Variants in DBT observed in about 807,000 individuals in gnomAD.
DBT encodes dihydrolipoamide branched chain transacylase E2, also known as lipoamide acyltransferase component of branched-chain alpha-keto acid dehydrogenase complex, mitochondrial.
A neutral mutation model predicts 51.3 loss-of-function variants in DBT; 40 were observed. The observed-to-expected ratio is 0.78, with a 90% CI of 0.61 to 1.02. The LOEUF is 1.02. Ranked by LOEUF, DBT falls within the 50% of genes least tolerant of loss-of-function variation. The probability of loss-of-function intolerance (pLI) is 0.00; values close to 1 mark genes in which losing one functional copy is unlikely to be tolerated. For missense variants in DBT, 510 were observed against 580.2 expected, an observed-to-expected ratio of 0.88 and a Z score of 1.24; for synonymous variants, 181 against 190.4, an observed-to-expected ratio of 0.95 and a Z score of 0.41.
intron 4 of DBT, among the ~76,000 whole-genome samples, chr1:100,228,652 C>A (rs1663353432): frequency 6.6e-6 from 1 of 152,090 alleles, no homozygotes; most frequent in African/African-American, 2.4e-5. Context: ...CCCAGCTACT[C>A]AGGAGGCTGA....
intron 4 of DBT, among the ~76,000 whole-genome samples, chr1:100,223,683 G>A (rs1159863033): frequency 6.6e-6 from 1 of 152,124 alleles, no homozygotes; most frequent in Non-Finnish European, 1.5e-5. Flanking sequence ...GCCCAGGCTA[G>A]TCTCAAACTC....
chr1:100,225,590 G>A (rs1277388783), intron 4 of DBT, among the ~76,000 whole-genome samples: 2 of 151,784 alleles, frequency 1.3e-5, no homozygotes, highest in African/African-American at 4.8e-5. Flanking sequence ...TTTGGGAGGC[G>A]GAGGCAGGCA....
chr1:100,208,419 C>T (rs554610200), intron 8 of DBT, among the ~76,000 whole-genome samples: 187 of 152,032 alleles, frequency 1.2e-3, no homozygotes, highest in Non-Finnish European at 2.1e-3. Flanking sequence ...CAACATGAAC[C>T]AACATTTATA....
intron 4 of DBT, among the ~76,000 whole-genome samples, chr1:100,225,032 A>AAG (rs1474392239): frequency 9.9e-6 from 1 of 101,420 alleles, no homozygotes; most frequent in African/African-American, 4.1e-5. Context: ...CAAAAAAAAA[A>AAG]AAAAAAAAAA....
chr1:100,211,882 C>T (rs1335210338), intron 7 of DBT, among the ~76,000 whole-genome samples: 1 of 152,186 alleles, frequency 6.6e-6, no homozygotes, highest in Non-Finnish European at 1.5e-5. Flanking sequence ...AGTGACCCTC[C>T]TGCCTCAGCC....
chr1:100,225,052 T>TATATAC lies in DBT; in HGVS notation c.433+5680_433+5681insGTATAT, dbSNP rs1185819980. Among the ~76,000 whole-genome samples, 81 of 79,052 alleles carry TATATAC rather than the reference T, an allele frequency of 1.0e-3. 1 individual carries two copies. The highest frequency in any genetic ancestry group is 4.0e-3 in the African/African-American group (79 of 19,930). The allele number at this position is 79,052 out of a possible 152,430, so 51.9% of individuals were successfully genotyped here. ...AAAAAAAAAAAAAAAAATATATATATACACACACACACACACACACACACA... is the reference window on the plus strand; with the variant it reads ...AAAAAAAAAAAAAAAAATATATATATATATACACACACACACACACACACACACACA... On this transcript the variant is annotated intron_variant, in intron 4 of 10. Coordinates refer to ENST00000370132, the MANE Select transcript of DBT (RefSeq NM_001918.5).
intron 1 of DBT, among the ~76,000 whole-genome samples, chr1:100,244,207 G>A (rs1235930901): frequency 6.6e-6 from 1 of 152,098 alleles, no homozygotes; most frequent in African/African-American, 2.4e-5. Flanking sequence ...AGAGCAGAAG[G>A]GCACTTTTAA....
intron 2 of DBT, among the ~76,000 whole-genome samples, chr1:100,239,524 C>T (rs996561117): frequency 1.3e-5 from 2 of 151,276 alleles, no homozygotes; most frequent in African/African-American, 4.9e-5. Flanking sequence ...CACCTGTAAT[C>T]CCATCACTTT....
intron 1 of DBT, among the ~76,000 whole-genome samples, chr1:100,241,367 TGTGTGTG>T (rs906465825): frequency 6.3e-4 from 1 of 1,590 alleles, no homozygotes; most frequent in African/African-American, 8.3e-4. Context: ...TGAAAGGTAT[TGTGTGTG>T]TGTGTGTGTG....
intron 2 of DBT, among the ~76,000 whole-genome samples, chr1:100,237,730 G>A (rs1663966587): frequency 1.3e-5 from 2 of 152,084 alleles, no homozygotes; most frequent in South Asian, 4.2e-4. Context: ...TCAAGTTCCT[G>A]GGCTCAAGTG....
chr1:100,205,377 G>A (rs1030035796), intron 10 of DBT, among the ~76,000 whole-genome samples: 10 of 152,202 alleles, frequency 6.6e-5, no homozygotes, highest in Admixed American at 3.9e-4. Context: ...CTGGTCATTA[G>A]AGAAATGCAA....
chr1:100,200,716 C>A (rs908295076), intron 10 of DBT, among the ~76,000 whole-genome samples: 1 of 152,182 alleles, frequency 6.6e-6, no homozygotes. Flanking sequence ...AAGAAGCAGG[C>A]AGCAATCTTT....
intron 2 of DBT, among the ~76,000 whole-genome samples, chr1:100,237,426 A>G (rs1383004686): frequency 3.9e-5 from 6 of 152,166 alleles, no homozygotes; most frequent in Admixed American, 2.0e-4. Context: ...GCTTTAAGCC[A>G]CTAAGTTGTG....
At chr1:100,203,162 C>G (rs1309171877) in intron 10 of DBT, among the ~76,000 whole-genome samples, 1 of 152,016 alleles carries the variant, frequency 6.6e-6, no homozygotes, top group South Asian at 2.1e-4. Context: ...AATCCAGGAG[C>G]CGGTTTTTTG....
Position 100,195,873 on chromosome 1 carries a change from C to T in DBT, c.*382G>A, listed in dbSNP as rs978878626. On this transcript the variant is annotated 3_prime_UTR_variant, in exon 11 of 11. Transcript: ENST00000370132. ...AGAGGCCAGGTTTCACCATGTTGGC[C>T]AGGCTGGTCTCAAACTTCTAACCTC... 3 of 246,296 alleles carry T rather than the reference C, an allele frequency of 1.2e-5. No individual in the cohort carries two copies. Among genetic ancestry groups the T allele is most frequent in the Non-Finnish European group, 2.4e-5 (3 of 125,258 alleles). 15.3% of individuals were successfully genotyped at this position (246,296 alleles called of 1,614,324 possible).
At chr1:100,228,368 G>A (rs1663342853) in intron 4 of DBT, among the ~76,000 whole-genome samples, 1 of 152,096 alleles carries the variant, frequency 6.6e-6, no homozygotes, top group Non-Finnish European at 1.5e-5. Context: ...GCAATGTATG[G>A]TCCTATATTG....
intron 10 of DBT, among the ~76,000 whole-genome samples, chr1:100,200,293 A>C (rs529842369): frequency 9.2e-5 from 14 of 151,454 alleles, no homozygotes; most frequent in African/African-American, 2.4e-4. Context: ...GCCACAGGGA[A>C]GTTCGAACTG....
At chr1:100,222,693 A>G (rs771769396) in intron 4 of DBT, among the ~76,000 whole-genome samples, 15 of 152,360 alleles carry the variant, frequency 9.8e-5, no homozygotes, top group Middle Eastern at 3.4e-3. Flanking sequence ...TAAATGCAAT[A>G]TAATGGCAGA....
Position 100,235,437 on chromosome 1 carries a change from A to G in DBT, c.250T>C (p.Trp84Arg), listed in dbSNP as rs113842781. Residue 84 changes from tryptophan (W) to arginine (R), a missense_variant and splice_region_variant, in exon 3 of 11, where the codon TGG becomes CGG. By Grantham distance (101) the Trp-to-Arg change is moderately radical. Coordinates refer to ENST00000370132, the MANE Select transcript of DBT (RefSeq NM_001918.5). ...EGIREVTVKEWYVKEGDTVSQ... is the reference protein window; with the variant it reads ...EGIREVTVKERYVKEGDTVSQ... ...AGAGCTTTTTTCAGATTCACTTACC[A>G]TTCTTTAACAGTTACTTCTCTAATC... 6.7e-7 allele frequency: 1 copy of G among 1,492,702 alleles called. No homozygotes were observed. Among genetic ancestry groups the G allele is most frequent in the Non-Finnish European group, 9.3e-7 (1 of 1,073,036 alleles). The allele number at this position is 1,492,702 out of a possible 1,614,324, so 92.5% of individuals were successfully genotyped here.
Sources: gnomAD v4.1 joint callset for allele counts (sites outside exome capture counted in the v4.1 genomes callset) on GRCh38, gnomAD v4.1.1 for gene constraint, MANE v1.5 for transcripts, NCBI Gene and HGNC (gene_info 2026-07-23, HGNC 2026-07-21) for gene names.